The following CDC42SE2 variants were observed in gnomAD, a reference collection of about 807,000 sequenced individuals.
The protein encoded by CDC42SE2 is CDC42 small effector protein 2.
A neutral mutation model predicts 11.5 loss-of-function variants in CDC42SE2; 3 were observed. The ratio of observed to expected loss-of-function variants is 0.26; its 90% CI spans 0.12 to 0.67. The LOEUF (loss-of-function observed/expected upper bound fraction) is 0.67, where lower values mean the gene tolerates loss of function less well. Ranked by LOEUF, CDC42SE2 falls within the 30% of genes least tolerant of loss-of-function variation. The pLI is 0.80. For missense variants in CDC42SE2, 82 were observed against 106.8 expected, an observed-to-expected ratio of 0.77 and a Z score of 1.02; for synonymous variants, 33 against 34.8, an observed-to-expected ratio of 0.95 and a Z score of 0.18.
intron 2 of CDC42SE2, among the ~76,000 whole-genome samples, chr5:131,344,524 A>G (rs1758793321): frequency 6.6e-6 from 1 of 152,232 alleles, no homozygotes; most frequent in Admixed American, 6.5e-5. Flanking sequence ...GGTGGAGCCC[A>G]CCACAGCTCA....
intron 1 of CDC42SE2, among the ~76,000 whole-genome samples, chr5:131,301,384 A>G (rs1487303424): frequency 6.6e-6 from 1 of 152,194 alleles, no homozygotes; most frequent in African/African-American, 2.4e-5. Context: ...TGGGTATGCC[A>G]ATTACCCCGA....
At chr5:131,274,361 C>T (rs1306742676) in intron 1 of CDC42SE2, among the ~76,000 whole-genome samples, 1 of 152,188 alleles carries the variant, frequency 6.6e-6, no homozygotes, top group Non-Finnish European at 1.5e-5. Context: ...CTCATACTCC[C>T]ACATGTGATT....
intron 2 of CDC42SE2, among the ~76,000 whole-genome samples, chr5:131,325,341 A>G (rs1358495461): frequency 6.6e-6 from 1 of 152,206 alleles, no homozygotes; most frequent in Non-Finnish European, 1.5e-5. Flanking sequence ...TTGAATAGAT[A>G]TGAAATGGTA....
At chr5:131,345,872 A>G (rs1462807293) in intron 2 of CDC42SE2, among the ~76,000 whole-genome samples, 3 of 152,192 alleles carry the variant, frequency 2.0e-5, no homozygotes, top group African/African-American at 4.8e-5. Context: ...AGAATTTTCA[A>G]CCCAGAATTT....
chr5:131,239,076 T>C, the CDC42SE2 span, among the ~76,000 whole-genome samples: 1 of 151,174 alleles, frequency 6.6e-6, no homozygotes. Flanking sequence ...GAACCGCTTC[T>C]ACCCAGGAGA....
At chr5:131,291,591 A>T (rs898133107) in intron 1 of CDC42SE2, among the ~76,000 whole-genome samples, 1 of 152,176 alleles carries the variant, frequency 6.6e-6, no homozygotes, top group South Asian at 2.1e-4. Context: ...AAAGAAGTAA[A>T]TCTCCAAATT....
At chr5:131,225,414 C>T in the CDC42SE2 span, among the ~76,000 whole-genome samples, 2 of 152,168 alleles carry the variant, frequency 1.3e-5, no homozygotes, top group Non-Finnish European at 2.9e-5. Flanking sequence ...CTGTCTCATA[C>T]AGTAGCAAGG....
At chr5:131,243,621 GC>G (rs1756557455), upstream of CDC42SE2, among the ~76,000 whole-genome samples, 2 of 152,142 alleles carry the variant, frequency 1.3e-5, 1 homozygote, top group South Asian at 4.1e-4. Flanking sequence ...TAAACAAGCA[GC>G]CCTGCATTTT....
At chr5:131,262,398 A>T (rs994168571), upstream of CDC42SE2, among the ~76,000 whole-genome samples, 1 of 134,830 alleles carries the variant, frequency 7.4e-6, no homozygotes, top group Non-Finnish European at 1.5e-5. Context: ...AACAGAAACC[A>T]AGAGAAAATT....
intron 1 of CDC42SE2, among the ~76,000 whole-genome samples, chr5:131,309,568 T>A (rs1412074861): frequency 1.5e-4 from 23 of 151,406 alleles, no homozygotes; most frequent in Non-Finnish European, 2.7e-4. Context: ...TGTGAATCCA[T>A]CTGGTCCTGG....
intron 3 of CDC42SE2, among the ~76,000 whole-genome samples, chr5:131,366,822 G>A (rs964336493): frequency 1.3e-5 from 2 of 151,928 alleles, no homozygotes; most frequent in African/African-American, 4.8e-5. Context: ...CTAGGAGTTC[G>A]AGATCAGCCT....
At chr5:131,370,878 G>A (rs1030102763) in intron 3 of CDC42SE2, among the ~76,000 whole-genome samples, 1 of 149,880 alleles carries the variant, frequency 6.7e-6, no homozygotes, top group East Asian at 1.9e-4. Flanking sequence ...TTAAGCCTTT[G>A]TCTGTCTAGA....
intron 1 of CDC42SE2, among the ~76,000 whole-genome samples, chr5:131,270,511 G>A (rs1376882028): frequency 3.3e-5 from 5 of 152,126 alleles, no homozygotes; most frequent in Admixed American, 6.6e-5. Context: ...GTTTTACACC[G>A]TATATATAGA....
intron 3 of CDC42SE2, among the ~76,000 whole-genome samples, chr5:131,360,766 A>T (rs939028604): frequency 8.5e-5 from 13 of 152,132 alleles, no homozygotes; most frequent in East Asian, 3.9e-4. Context: ...ACTAAATTTT[A>T]AAAATATAAT....
rs201241569 is a variant in CDC42SE2, at chr5:131,392,367, T to TAAGA, written c.*1277_*1280dup. On this transcript the variant is annotated 3_prime_UTR_variant, in exon 5 of 5. Transcript: ENST00000505065. ...ATGCTTTATGAAGTTGTTGCTTCGG[T>TAAGA]AAGAGCCCATGGGATGCCAGAAATT... The TAAGA allele has an allele frequency of 3.3e-4, 50 of 152,880 alleles. No homozygotes were observed. In the East Asian group the frequency reaches 7.3e-3, roughly 22 times the overall value. The allele number at this position is 152,880 out of a possible 1,614,324, so 9.5% of individuals were successfully genotyped here.
chr5:131,332,287 G>A (rs978139773), intron 2 of CDC42SE2, among the ~76,000 whole-genome samples: 7 of 152,182 alleles, frequency 4.6e-5, no homozygotes, highest in African/African-American at 1.7e-4. Flanking sequence ...TCCCTACAAA[G>A]GACATGAACT....
At chr5:131,295,368 A>C (rs552810192) in intron 1 of CDC42SE2, among the ~76,000 whole-genome samples, 11 of 152,154 alleles carry the variant, frequency 7.2e-5, no homozygotes, top group Non-Finnish European at 1.6e-4. Flanking sequence ...AAGTATTGGC[A>C]GTGACCTTAA....
chr5:131,219,147 G>A, the CDC42SE2 span, among the ~76,000 whole-genome samples: 14 of 151,664 alleles, frequency 9.2e-5, no homozygotes, highest in Non-Finnish European at 1.9e-4. Context: ...AGAAAATGTT[G>A]TACTAAAAAT....
rs145101448 is a variant in CDC42SE2 at position 131,337,000 on chromosome 5, G to A, written c.-286+20856G>A. On this transcript the variant is annotated intron_variant, in intron 2 of 4. Transcript: ENST00000505065. ...GTCATTCTCTGTCCAGCTTTGTTCC[G>A]TTGCTGGTGAGGAGCTGCGTTCCTT... Among the ~76,000 whole-genome samples the A allele has an allele frequency of 4.8e-3, 726 of 152,286 alleles. 8 individuals are homozygous for A. Among genetic ancestry groups the A allele is most frequent in the African/African-American group, 0.017 (697 of 41,568 alleles).
Sources: gnomAD v4.1 joint callset for allele counts (sites outside exome capture counted in the v4.1 genomes callset) on GRCh38, gnomAD v4.1.1 for gene constraint, MANE v1.5 for transcripts, NCBI Gene and HGNC (gene_info 2026-07-23, HGNC 2026-07-21) for gene names.